INTS8: variants seen among roughly 807,000 people sequenced by gnomAD.
INTS8 encodes the protein protein kaonashi-1.
In INTS8, 47 loss-of-function variants were observed where a neutral mutation model predicts 138.9. The observed-to-expected ratio is 0.34, with a 90% confidence interval of 0.27 to 0.43. INTS8 has a LOEUF of 0.43. Among genes scored for constraint, INTS8 ranks in the 20% least tolerant of loss-of-function variants. INTS8 has a pLI of 1.00. For synonymous variants in INTS8, 392 were observed against 400.9 expected (o/e 0.98, Z 0.27); for missense variants, 996 against 1,173.0 (o/e 0.85, Z 2.20).
At chr8:94,831,331 C>G (rs2130997466) in intron 5 of INTS8, among the ~76,000 whole-genome samples, 1 of 152,092 alleles carries the variant, frequency 6.6e-6, no homozygotes, top group South Asian at 2.1e-4. Flanking sequence ...CCAGGCAGGT[C>G]TCGAACCCCT....
At chr8:94,851,132 T>C (rs12550765) in intron 12 of INTS8, among the ~76,000 whole-genome samples, 112,455 of 152,032 alleles carry the variant, frequency 0.74, 41,681 homozygotes, top group Middle Eastern at 0.79. Flanking sequence ...AGCATGCCCC[T>C]TTCTCTCATA....
intron 10 of INTS8, among the ~76,000 whole-genome samples, chr8:94,842,934 A>G (rs552173286): frequency 6.9e-6 from 1 of 145,642 alleles, no homozygotes; most frequent in Admixed American, 6.7e-5. Flanking sequence ...TCTTAATGTT[A>G]GAGACATTGA....
intron 4 of INTS8, 149 bp from the exon 5 acceptor site, chr8:94,828,826 G>A (rs1174795162): frequency 4.8e-6 from 3 of 624,976 alleles, no homozygotes; most frequent in Non-Finnish European, 5.6e-6. Flanking sequence ...TAATAGTTGA[G>A]GGTTTTGTTT....
chr8:94,856,761 C>CT lies in INTS8; in HGVS notation c.1753-11dup. On this transcript the variant is annotated splice_polypyrimidine_tract_variant and intron_variant, in intron 14 of 26. Coordinates refer to ENST00000523731, the MANE Select transcript of INTS8 (RefSeq NM_017864.4). The stretch of plus-strand genomic sequence containing the variant: ...CAAAGGAAAGGTGACCCAGGCTATT[C>CT]TTTTTCTTTTCATAGGACTTTTCCC... 6.2e-7 allele frequency: 1 copy of CT among 1,612,584 alleles called. No individual in the cohort carries two copies. Among genetic ancestry groups the CT allele is most frequent in the Non-Finnish European group, 8.5e-7 (1 of 1,178,782 alleles).
intron 7 of INTS8, 138 bp from the exon 8 acceptor site, chr8:94,838,325 C>A: frequency 1.7e-6 from 1 of 589,654 alleles, no homozygotes; most frequent in Non-Finnish European, 2.9e-6. Flanking sequence ...GCTGGGATTA[C>A]AGGCGTGAAC....
chr8:94,868,214 C>T (rs1336015020), intron 20 of INTS8, among the ~76,000 whole-genome samples: 1 of 151,998 alleles, frequency 6.6e-6, no homozygotes, highest in East Asian at 1.9e-4. Flanking sequence ...TTTTCTTTTC[C>T]CACACATAGC....
Position 94,867,158 on chromosome 8 carries a change from A to G in INTS8, c.2314A>G (p.Ile772Val), listed in dbSNP as rs1240080447. ...KKLREPLVLT[I>V]ILSLFVKLHN... The stretch of plus-strand genomic sequence containing the variant: ...CTCATAGGAACCACTCGTTTTGACT[A>G]TTATTTTATCACTCTTTGTGAAACT... Residue 772 changes from isoleucine to valine, a missense_variant, in exon 19 of 27, where the codon ATT becomes GTT. Ile to Val is a conservative substitution (Grantham distance 29). Transcript: ENST00000523731. 5.6e-6 allele frequency: 9 copies of G among 1,609,710 alleles called. No homozygotes were observed. Among genetic ancestry groups the G allele is most frequent in the Non-Finnish European group, 7.6e-6 (9 of 1,177,290 alleles).
rs910668031 is a variant in INTS8 at position 94,849,821 on chromosome 8, C to T, written c.1332-95C>T. 1.3e-5 allele frequency: 11 copies of T among 870,510 alleles called. No individual in the cohort carries two copies. The Admixed American group carries it at 3.1e-4, about 24-fold the overall frequency. The allele number at this position is 870,510 out of a possible 1,614,324, so 53.9% of individuals were successfully genotyped here. ...CATTATACAGTTTATGTAATGGTGG[C>T]TTTTTAAATGGCTTATTAAAATTGG... On this transcript the variant is annotated intron_variant, in intron 11 of 26. Transcript: ENST00000523731.
At chr8:94,874,710 A>C in intron 23 of INTS8, 108 bp downstream of exon 23, 1 of 644,904 alleles carries the variant, frequency 1.6e-6, no homozygotes, top group Non-Finnish European at 2.7e-6. Context: ...TATCAAAATC[A>C]CTTAGGGTAT....
chr8:94,833,528 A>G (rs1814805829), intron 6 of INTS8, among the ~76,000 whole-genome samples: 1 of 151,940 alleles, frequency 6.6e-6, no homozygotes. Context: ...ATCACTGATG[A>G]AACTTGCATA....
intron 17 of INTS8, among the ~76,000 whole-genome samples, 162 bp downstream of exon 17, chr8:94,865,852 A>C (rs1302697794): frequency 6.6e-6 from 1 of 152,180 alleles, no homozygotes; most frequent in Non-Finnish European, 1.5e-5. Context: ...CCTGTGATGA[A>C]CCTGTCTGCC....
chr8:94,853,722 G>A (rs757173778), intron 13 of INTS8, 83 bp from the exon 14 acceptor site: 39 of 722,766 alleles, frequency 5.4e-5, no homozygotes, highest in Admixed American at 8.7e-5. Context: ...TTTTAAATGC[G>A]ATTGAAGATT....
chr8:94,877,716 T>A (rs538214811), intron 26 of INTS8, among the ~76,000 whole-genome samples: 1 of 152,292 alleles, frequency 6.6e-6, no homozygotes, highest in South Asian at 2.1e-4. Flanking sequence ...TACCAGCCAC[T>A]CACACCCAAA....
chr8:94,867,467 C>A, intron 20 of INTS8, 130 bp downstream of exon 20: 2 of 600,442 alleles, frequency 3.3e-6, no homozygotes, highest in East Asian at 3.0e-5. Context: ...CTTTGTGTTT[C>A]TCTATTATGA....
rs926849584 is a variant in INTS8, at chr8:94,837,182, A to T, written c.861+551A>T. The stretch of plus-strand genomic sequence containing the variant: ...AGCAGTGAGTGTTTAACAAATTTTT[A>T]TTTTTATTTTTTTGCTAACTTGATT... On this transcript the variant is annotated intron_variant, in intron 7 of 26. Transcript: ENST00000523731. Among the ~76,000 whole-genome samples the T allele has an allele frequency of 7.2e-4, 110 of 152,186 alleles. 1 individual carries two copies. The highest frequency in any genetic ancestry group is 2.6e-3 in the African/African-American group (107 of 41,538).
chr8:94,850,169 G>T, intron 12 of INTS8, 78 bp downstream of exon 12: 2 of 974,676 alleles, frequency 2.1e-6, no homozygotes, highest in South Asian at 1.7e-5. Context: ...ATATATTTGA[G>T]GATTCTCTCT....
At position 94,873,438 on chromosome 8, in the gene INTS8, C is replaced by G; in HGVS notation, c.2598C>G (p.Phe866Leu). 6.2e-7 allele frequency: 1 copy of G among 1,613,910 alleles called. No individual in the cohort carries two copies. Among genetic ancestry groups the G allele is most frequent in the African/African-American group, 1.3e-5 (1 of 75,048 alleles). ...YLQAGAVCSD[F>L]FNKAVPPDVY... The stretch of plus-strand genomic sequence containing the variant: ...AGGCAGGAGCTGTGTGTTCTGACTT[C>G]TTTAACAAGGCTGTGCCCCCTGATG... The change falls in exon 22 of 27, where the codon TTC (phenylalanine) becomes TTG (leucine). Residue 866 changes from phenylalanine (F) to leucine (L), a missense_variant. Physicochemically the swap from Phe to Leu is conservative, Grantham distance 22. Transcript: ENST00000523731.
chr8:94,864,489 C>T (rs1247422123), intron 16 of INTS8, among the ~76,000 whole-genome samples: 1 of 152,174 alleles, frequency 6.6e-6, no homozygotes, highest in Non-Finnish European at 1.5e-5. Context: ...GGATAGATCA[C>T]TTGAGGCCAG....
At chr8:94,861,219 G>C (rs933332466) in intron 16 of INTS8, among the ~76,000 whole-genome samples, 1 of 138,530 alleles carries the variant, frequency 7.2e-6, no homozygotes, top group Non-Finnish European at 1.6e-5. Context: ...GATTTATTGA[G>C]TTTATTGATT....
Sources: gnomAD v4.1 joint callset for allele counts (sites outside exome capture counted in the v4.1 genomes callset) on GRCh38, gnomAD v4.1.1 for gene constraint, MANE v1.5 for transcripts, NCBI Gene and HGNC (gene_info 2026-07-23, HGNC 2026-07-21) for gene names.